Variants in JAG1 observed in about 807,000 individuals in gnomAD.
JAG1 encodes jagged canonical Notch ligand 1.
A neutral mutation model predicts 148.7 loss-of-function variants in JAG1; 23 were observed. The observed-to-expected ratio is 0.15, with a 90% confidence interval of 0.11 to 0.22. The LOEUF is 0.22. Among genes scored for constraint, JAG1 ranks in the 10% least tolerant of loss-of-function variants. The pLI is 1.00. For synonymous variants in JAG1, 572 were observed against 598.3 expected, an observed-to-expected ratio of 0.96 and a Z score of 0.64; for missense variants, 1,054 against 1,611.2, an observed-to-expected ratio of 0.65 and a Z score of 5.92.
chr20:10,650,120 A>T, intron 9 of JAG1, 127 bp downstream of exon 9: 1 of 714,530 alleles, frequency 1.4e-6, no homozygotes, highest in Non-Finnish European at 2.6e-6. Context: ...GACTCTTGAT[A>T]ATAAATTACT....
At chr20:10,667,796 C>T (rs1163945697) in intron 2 of JAG1, among the ~76,000 whole-genome samples, 1 of 152,156 alleles carries the variant, frequency 6.6e-6, no homozygotes, top group African/African-American at 2.4e-5. Flanking sequence ...CATCATTACC[C>T]TTACCTGTTT....
chr20:10,647,789 G>A (rs377098258), intron 13 of JAG1, among the ~76,000 whole-genome samples, 171 bp downstream of exon 13: 4 of 152,192 alleles, frequency 2.6e-5, no homozygotes, highest in Non-Finnish European at 5.9e-5. Flanking sequence ...CTGGCAGGCC[G>A]GAATAGATTG....
In JAG1 at chr20:10,652,284, C is replaced by G. The variant is rs762648169; in HGVS notation, c.887-34G>C. 8.1e-6 allele frequency: 13 copies of G among 1,613,010 alleles called. No individual in the cohort carries two copies. The African/African-American group carries it at 9.4e-5, about 12-fold the overall frequency. On this transcript the variant is annotated intron_variant, in intron 6 of 25. Transcript: ENST00000254958. ...AAGATCCTGGAGTCACTAAGAGACG[C>G]CTGTGAAGATGGCGAACCCACCATG...
At position 10,652,461 on chromosome 20, in the gene JAG1, G is replaced by A. The variant is rs770126798; in HGVS notation, c.886+7C>T. 1 of 1,614,020 alleles carries A rather than the reference G, an allele frequency of 6.2e-7. No individual in the cohort carries two copies. The highest frequency in any genetic ancestry group is 1.7e-5 in the Admixed American group (1 of 60,012). On this transcript the variant is annotated splice_region_variant and intron_variant, in intron 6 of 25. Transcript: ENST00000254958. ...CCCACCCTGGGTCTCATCCCTAAGGGCCATACCTTTGTCACAGAGCTGGCC... is the reference window on the plus strand; with the variant it reads ...CCCACCCTGGGTCTCATCCCTAAGGACCATACCTTTGTCACAGAGCTGGCC...
chr20:10,664,549 A>G (rs6040069), intron 2 of JAG1, among the ~76,000 whole-genome samples: 123,872 of 152,090 alleles, frequency 0.81, 50,556 homozygotes, highest in Middle Eastern at 0.91. Context: ...AACTCTGTCT[A>G]TGTGAGACCA....
intron 21 of JAG1, 63 bp downstream of exon 21, chr20:10,642,425 T>A: frequency 3.3e-6 from 3 of 922,758 alleles, no homozygotes; most frequent in Non-Finnish European, 5.4e-6. Context: ...AAAAGTCAAA[T>A]GGTGACTGCA....
chr20:10,673,396 C>T lies in JAG1; in HGVS notation c.81+54G>A. The T allele has an allele frequency of 7.7e-7, 1 of 1,300,674 alleles. No homozygotes were observed. Among genetic ancestry groups the T allele is most frequent in the Non-Finnish European group, 1.0e-6 (1 of 973,462 alleles). 80.6% of individuals were successfully genotyped at this position (1,300,674 alleles called of 1,614,324 possible). The stretch of plus-strand genomic sequence containing the variant: ...TCGCGGGGCTCAACCGCCCAGGGCG[C>T]CGCGAGGGGAGGGAGAGGACGGCTG... On this transcript the variant is annotated intron_variant, in intron 1 of 25. Transcript: ENST00000254958. This position sits in a 1 kb window ranked among gnomAD's most constrained non-coding sequence, Gnocchi z 4.7.
At chr20:10,647,816 C>A in intron 13 of JAG1, 144 bp downstream of exon 13, 1 of 897,890 alleles carries the variant, frequency 1.1e-6, no homozygotes. Flanking sequence ...CGTGTTGCGG[C>A]CCGCTACACA....
rs182446854 is a variant in JAG1, at chr20:10,666,430, A to C, written c.388-2416T>G. Among the ~76,000 whole-genome samples the C allele has an allele frequency of 1.4e-4, 21 of 152,230 alleles. No individual in the cohort carries two copies. In the East Asian group the frequency reaches 2.9e-3, roughly 21 times the overall value. ...AATCCACTATGCCGAAGTCACATAC[A>C]AGCAGCCACTGCAACTCTGACCCCC... On this transcript the variant is annotated intron_variant, in intron 2 of 25. Transcript: ENST00000254958.
intron 3 of JAG1, among the ~76,000 whole-genome samples, chr20:10,660,075 T>G (rs1325120322): frequency 6.6e-6 from 1 of 152,238 alleles, no homozygotes; most frequent in African/African-American, 2.4e-5. Context: ...AATGTCTTTG[T>G]GATTCTTACC....
At position 10,647,014 on chromosome 20, in the gene JAG1, T is replaced by G; in HGVS notation, c.1810A>C (p.Lys604Gln). The change falls in exon 14 of 26, where the codon AAG becomes CAG. Residue 604 changes from lysine to glutamine, a missense_variant. Lys to Gln is a moderately conservative substitution (Grantham distance 53). Transcript: ENST00000254958. ...ISSNVCGPHG[K>Q]CKSQSGGKFT... ...TTGCCTCCCGACTGACTCTTGCACT[T>G]CCCGTGAGGACCACAGACGTTGGAG... 6.2e-7 allele frequency: 1 copy of G among 1,614,130 alleles called. No individual in the cohort carries two copies. Among genetic ancestry groups the G allele is most frequent in the Non-Finnish European group, 8.5e-7 (1 of 1,180,004 alleles).
chr20:10,643,887 G>A (rs1253931096), intron 19 of JAG1, 24 bp from the exon 20 acceptor site: 1 of 1,576,494 alleles, frequency 6.3e-7, no homozygotes, highest in Non-Finnish European at 8.7e-7. Flanking sequence ...GACCACCTTG[G>A]TTACCAACCT....
Position 10,673,407 on chromosome 20 carries a change from G to A in JAG1, c.81+43C>T, listed in dbSNP as rs946530058. The A allele has an allele frequency of 1.5e-6, 2 of 1,348,868 alleles. No homozygotes were observed. Among genetic ancestry groups the A allele is most frequent in the Non-Finnish European group, 2.0e-6 (2 of 1,013,848 alleles). 83.6% of individuals were successfully genotyped at this position (1,348,868 alleles called of 1,614,324 possible). A position where few individuals can be genotyped will look rare whatever the true frequency, so the allele number is the denominator to read the frequency against. On this transcript the variant is annotated intron_variant, in intron 1 of 25. Transcript: ENST00000254958. This position sits in a 1 kb window ranked among gnomAD's most constrained non-coding sequence, Gnocchi z 4.7. ...AACCGCCCAGGGCGCCGCGAGGGGA[G>A]GGAGAGGACGGCTGGGAGGGAGGCC...
At chr20:10,648,180 T>C in intron 12 of JAG1, 70 bp from the exon 13 acceptor site, 3 of 1,577,040 alleles carry the variant, frequency 1.9e-6, no homozygotes, top group Non-Finnish European at 2.6e-6. Context: ...ATAACTTCTC[T>C]GGGGCAGCAG....
chr20:10,653,565 G>A (rs536468618), intron 5 of JAG1, among the ~76,000 whole-genome samples: 6 of 149,050 alleles, frequency 4.0e-5, no homozygotes, highest in South Asian at 2.2e-4. Flanking sequence ...CTAGCCTCCC[G>A]GTGGAGCGTG....
Position 10,672,388 on chromosome 20 carries a change from G to A in JAG1, c.387+313C>T, listed in dbSNP as rs140190717. On this transcript the variant is annotated intron_variant, in intron 2 of 25. Coordinates refer to ENST00000254958, the MANE Select transcript of JAG1 (RefSeq NM_000214.3). ...TACAACGATCTCTTGGCTTGGGGCC[G>A]GGAGAGTTACTCTGGGAACTTCAAG... Among the ~76,000 whole-genome samples the A allele has an allele frequency of 7.5e-3, 1,140 of 152,290 alleles. 12 individuals carry two copies. The highest frequency in any genetic ancestry group is 0.011 in the Non-Finnish European group (768 of 68,020).
chr20:10,649,877 G>C (rs2067334464), intron 9 of JAG1, among the ~76,000 whole-genome samples: 1 of 152,140 alleles, frequency 6.6e-6, no homozygotes, highest in South Asian at 2.1e-4. Flanking sequence ...CAACAAAACA[G>C]CAGAAAGCCA....
At chr20:10,664,753 T>G (rs1439926197) in intron 2 of JAG1, among the ~76,000 whole-genome samples, 2 of 152,156 alleles carry the variant, frequency 1.3e-5, no homozygotes, top group South Asian at 2.1e-4. Context: ...GTTAATAAGA[T>G]CTAACATTCC....
At chr20:10,643,111 G>C (rs2067284701) in intron 20 of JAG1, among the ~76,000 whole-genome samples, 1 of 152,256 alleles carries the variant, frequency 6.6e-6, no homozygotes, top group Admixed American at 6.5e-5. Flanking sequence ...ACATGAAACA[G>C]ATACAACCTG....
Sources: allele counts gnomAD v4.1 joint callset (sites outside exome capture counted in the v4.1 genomes callset), GRCh38; gene constraint gnomAD v4.1.1; non-coding constraint Gnocchi (gnomAD v3.1); transcripts MANE v1.5; gene names NCBI Gene and HGNC (gene_info 2026-07-23, HGNC 2026-07-21).